The following GALNT15 variants were observed in gnomAD, a reference collection of about 807,000 sequenced individuals.
GALNT15 encodes UDP-GalNAc transferase T15.
Under a neutral mutation model 66.8 loss-of-function variants are expected in GALNT15, and 67 were observed. The ratio of observed to expected loss-of-function variants is 1.00; its 90% confidence interval spans 0.82 to 1.23. GALNT15 has a LOEUF of 1.23. Ranked by LOEUF, GALNT15 falls within the 50% of genes most tolerant of loss-of-function variation. The pLI is 0.00. For missense variants in GALNT15, 827 were observed against 804.3 expected (o/e 1.03, Z -0.34); for synonymous variants, 313 against 311.5 (o/e 1.00, Z -0.05).
chr3:16,233,094 C>CTTTTTTTTTTTTTTTTT (rs61516679), downstream of GALNT15, among the ~76,000 whole-genome samples: 124 of 61,192 alleles, frequency 2.0e-3, 30 homozygotes, highest in African/African-American at 4.2e-3. Flanking sequence ...GATAATGCAT[C>CTTTTTTTTTTTTTTTTT]TTTTTTTTTT....
At chr3:16,233,113 T>TTTTTTTTTTTTTTTA (rs71064272), downstream of GALNT15, among the ~76,000 whole-genome samples, 4 of 139,260 alleles carry the variant, frequency 2.9e-5, no homozygotes, top group Admixed American at 7.2e-5. Context: ...TTTTTTTTTT[T>TTTTTTTTTTTTTTTA]GAAACGGAGT....
chr3:16,212,542 G>A, intron 5 of GALNT15, 27 bp from the exon 6 acceptor site: 1 of 1,601,604 alleles, frequency 6.2e-7, no homozygotes, highest in East Asian at 2.2e-5. Context: ...GGAATGCTGA[G>A]GTGTTTATCT....
intron 6 of GALNT15, among the ~76,000 whole-genome samples, chr3:16,217,995 T>G (rs1030519853): frequency 6.6e-5 from 10 of 152,152 alleles, no homozygotes; most frequent in African/African-American, 2.4e-4. Flanking sequence ...TTCTCAAACT[T>G]TGTGTGAAAA....
At chr3:16,234,328 T>A (rs1260276374), downstream of GALNT15, among the ~76,000 whole-genome samples, 1 of 152,206 alleles carries the variant, frequency 6.6e-6, no homozygotes, top group Non-Finnish European at 1.5e-5. Context: ...GGTTTCTTTT[T>A]TTTTTTCTTC....
rs1209168549 is a variant in GALNT15, at chr3:16,175,172, C to G, written c.21C>G (p.Tyr7Ter). 2 of 1,613,602 alleles carry G rather than the reference C, an allele frequency of 1.2e-6. No individual in the cohort carries two copies. Among genetic ancestry groups the G allele is most frequent in the Non-Finnish European group, 1.7e-6 (2 of 1,179,610 alleles). Residue 7 changes from tyrosine to a stop codon, truncating the protein, a stop_gained, in exon 1 of 10, where the codon TAC becomes TAG. Transcript: ENST00000339732. LOFTEE classifies it high-confidence loss of function. The surrounding 1 kb of genome is among the most constrained non-coding windows in gnomAD (Gnocchi z 5.6). MLLRKR[Y>*]RHRPCRLQFL... Reference sequence around the variant, plus strand: ...GCAACATGCTCCTAAGGAAGCGATACAGGCACAGACCATGCAGACTCCAGT... The same window carrying G: ...GCAACATGCTCCTAAGGAAGCGATAGAGGCACAGACCATGCAGACTCCAGT...
rs2064064683 is a variant in GALNT15, at chr3:16,229,783, G to A, written c.*2283G>A. On this transcript the variant is annotated 3_prime_UTR_variant, in exon 10 of 10. Transcript: ENST00000339732. ...AGGTGGCAATTAACAAAAGGACCCAGATGGCTTATTGCCTAATTGGGTGAA... is the reference window on the plus strand; with the variant it reads ...AGGTGGCAATTAACAAAAGGACCCAAATGGCTTATTGCCTAATTGGGTGAA... The A allele has an allele frequency of 7.2e-6, 7 of 973,976 alleles. No individual in the cohort carries two copies. Among genetic ancestry groups the A allele is most frequent in the Non-Finnish European group, 7.3e-6 (6 of 819,586 alleles). The allele number at this position is 973,976 out of a possible 1,614,324, so 60.3% of individuals were successfully genotyped here. A position where few individuals can be genotyped will look rare whatever the true frequency, so the allele number is the denominator to read the frequency against.
At chr3:16,199,481 A>C (rs1237547489) in intron 2 of GALNT15, among the ~76,000 whole-genome samples, 1 of 141,966 alleles carries the variant, frequency 7.0e-6, no homozygotes, top group Non-Finnish European at 1.6e-5. Context: ...TGCCAAATTT[A>C]ATGGAGCCTT....
rs140836931 is a variant in GALNT15, at chr3:16,184,277, A to G, written c.539+8587A>G. On this transcript the variant is annotated intron_variant, in intron 1 of 9. Transcript: ENST00000339732. This position sits in a 1 kb window ranked among gnomAD's most constrained non-coding sequence, Gnocchi z 5.0. ...GTTAGCCTCATTATTTAACAATAAA[A>G]ACATACATTTCTTCCTGGATCCTCT... Among the ~76,000 whole-genome samples, 9 of 152,350 alleles carry G rather than the reference A, an allele frequency of 5.9e-5. No individual in the cohort carries two copies. In the East Asian group the frequency reaches 1.7e-3, roughly 29 times the overall value.
rs779977339 is a variant in GALNT15 at position 16,195,507 on chromosome 3, G to A, written c.540-253G>A. ...GTCATTTGCTGAGGATGACGGCAAC[G>A]CTTCTCAATTGCAATGAGAGGGACT... is the stretch of plus-strand genomic sequence containing the variant. On this transcript the variant is annotated intron_variant, in intron 1 of 9. Coordinates refer to ENST00000339732, the MANE Select transcript of GALNT15 (RefSeq NM_054110.5). This position sits in a 1 kb window ranked among gnomAD's most constrained non-coding sequence, Gnocchi z 4.6. 3.9e-5 allele frequency among the ~76,000 whole-genome samples: 6 copies of A among 152,154 alleles called. No individual in the cohort carries two copies. The highest frequency in any genetic ancestry group is 2.6e-4 in the Admixed American group (4 of 15,274).
Position 16,174,969 on chromosome 3 carries a change from T to C in GALNT15, c.-183T>C. 1.7e-6 allele frequency: 1 copy of C among 582,378 alleles called. No homozygotes were observed. Among genetic ancestry groups the C allele is most frequent in the South Asian group, 2.5e-5 (1 of 40,700 alleles). The allele number at this position is 582,378 out of a possible 1,614,324, so 36.1% of individuals were successfully genotyped here. A position where few individuals can be genotyped will look rare whatever the true frequency, so the allele number is the denominator to read the frequency against. On this transcript the variant is annotated 5_prime_UTR_variant, in exon 1 of 10. Transcript: ENST00000339732. The surrounding 1 kb of genome is among the most constrained non-coding windows in gnomAD (Gnocchi z 4.7). ...GTGAAACTTGGGTCCTGTGGTTTTC[T>C]GATTGTAAGTGGAAGCAGGTCTTGC...
At chr3:16,177,204 T>C (rs1048696467) in intron 1 of GALNT15, among the ~76,000 whole-genome samples, 28 of 152,226 alleles carry the variant, frequency 1.8e-4, no homozygotes, top group African/African-American at 6.3e-4. Context: ...AAAGAAGTGA[T>C]TGCTGAATGA....
chr3:16,177,415 A>T (rs2063421619), intron 1 of GALNT15, among the ~76,000 whole-genome samples: 1 of 152,050 alleles, frequency 6.6e-6, no homozygotes, highest in African/African-American at 2.4e-5. Context: ...TGGTATATGT[A>T]TGTTCGTGCA....
intron 3 of GALNT15, among the ~76,000 whole-genome samples, chr3:16,207,602 G>A (rs1324597242): frequency 7.5e-6 from 1 of 133,914 alleles, no homozygotes; most frequent in Non-Finnish European, 1.6e-5. Context: ...AAATAGTCAG[G>A]ACTTTGATTA....
At chr3:16,194,326 T>A (rs1486451769) in intron 1 of GALNT15, among the ~76,000 whole-genome samples, 2 of 152,276 alleles carry the variant, frequency 1.3e-5, no homozygotes, top group Admixed American at 6.5e-5. Context: ...AGAGCTTAAA[T>A]GTCTTCTCTT....
Position 16,200,771 on chromosome 3 carries a change from G to C in GALNT15, c.859G>C (p.Glu287Gln). Residue 287 changes from glutamate (E) to glutamine (Q), a missense_variant, in exon 3 of 10, where the codon GAG becomes CAG. Physicochemically the swap from Glu to Gln is conservative, Grantham distance 29. Coordinates refer to ENST00000339732, the MANE Select transcript of GALNT15 (RefSeq NM_054110.5). This position sits in a 1 kb window ranked among gnomAD's most constrained non-coding sequence, Gnocchi z 4.4. The stretch of plus-strand genomic sequence containing the variant: ...GCTCGTCTTCATGGATGCCCACTGC[G>C]AGTGCCACCCAGGCTGGCTGGAGCC... ...DVLVFMDAHC[E>Q]CHPGWLEPLL... is the part of the protein sequence containing the mutation. 6.2e-7 allele frequency: 1 copy of C among 1,611,974 alleles called. No individual in the cohort carries two copies.
rs1238621117 is a variant in GALNT15, at chr3:16,212,644, C to T, written c.1273C>T (p.His425Tyr). The T allele has an allele frequency of 6.2e-7, 1 of 1,614,106 alleles. No individual in the cohort carries two copies. The highest frequency in any genetic ancestry group is 8.5e-7 in the Non-Finnish European group (1 of 1,180,018). ...ACACATCTACCAAAATCAGGATTCC[C>T]ATTCCCCCCTCGACCAGGAGGCCAC... ...VGHIYQNQDS[H>Y]SPLDQEATLR... The change falls in exon 6 of 10, where the codon CAT (histidine) becomes TAT (tyrosine). Residue 425 changes from histidine to tyrosine, a missense_variant. Transcript: ENST00000339732.
chr3:16,209,442 A>C lies in GALNT15; in HGVS notation c.1079+772A>C, dbSNP rs1003971268. ...GACGACTGCTTCACTGCTATGCTATATTTTAAATACAAGGCCACAGTTCAT... is the reference window on the plus strand; with the variant it reads ...GACGACTGCTTCACTGCTATGCTATCTTTTAAATACAAGGCCACAGTTCAT... On this transcript the variant is annotated intron_variant, in intron 4 of 9. Transcript: ENST00000339732. This position sits in a 1 kb window ranked among gnomAD's most constrained non-coding sequence, Gnocchi z 4.1. 2.6e-5 allele frequency among the ~76,000 whole-genome samples: 4 copies of C among 152,212 alleles called. No individual in the cohort carries two copies. Among genetic ancestry groups the C allele is most frequent in the Non-Finnish European group, 5.9e-5 (4 of 68,038 alleles).
rs117679745 is a variant in GALNT15 at position 16,181,322 on chromosome 3, C to A, written c.539+5632C>A. Among the ~76,000 whole-genome samples the A allele has an allele frequency of 3.6e-3, 543 of 152,194 alleles. 14 individuals carry two copies. The highest frequency in any genetic ancestry group is 0.028 in the Admixed American group (429 of 15,274). On this transcript the variant is annotated intron_variant, in intron 1 of 9. Transcript: ENST00000339732. The surrounding 1 kb of genome is among the most constrained non-coding windows in gnomAD (Gnocchi z 5.9). ...GCCTGGGCACCAAGAGCTTAAAACTCCCCAGGTGGTTCTATCGTGAAGCCA... is the reference window on the plus strand; with the variant it reads ...GCCTGGGCACCAAGAGCTTAAAACTACCCAGGTGGTTCTATCGTGAAGCCA...
At chr3:16,196,405 G>T (rs984467017) in intron 2 of GALNT15, among the ~76,000 whole-genome samples, 2 of 152,150 alleles carry the variant, frequency 1.3e-5, no homozygotes, top group East Asian at 1.9e-4. Context: ...GGAAACTGGG[G>T]CCCAGAGAAG....
Sources: allele counts gnomAD v4.1 joint callset (sites outside exome capture counted in the v4.1 genomes callset), GRCh38; gene constraint gnomAD v4.1.1; non-coding constraint Gnocchi (gnomAD v3.1); transcripts MANE v1.5; gene names NCBI Gene and HGNC (gene_info 2026-07-23, HGNC 2026-07-21).